The following ETS1 variants were observed in gnomAD, a reference collection of about 807,000 sequenced individuals.
ETS1 encodes the protein ETS proto-oncogene 1, transcription factor, also known as protein C-ets-1.
ETS1 carries 15 observed loss-of-function variants against 58.6 expected under a neutral mutation model. The ratio of observed to expected loss-of-function variants is 0.26; its 90% CI spans 0.17 to 0.39. The LOEUF (loss-of-function observed/expected upper bound fraction) is 0.39, where lower values mean the gene tolerates loss of function less well. Among genes scored for constraint, ETS1 ranks in the 10% least tolerant of loss-of-function variants. The pLI, the probability that ETS1 is intolerant of heterozygous loss-of-function variation, is 1.00. For synonymous variants in ETS1, 214 were observed against 218.2 expected, an observed-to-expected ratio of 0.98 and a Z score of 0.17; for missense variants, 417 against 610.5, an observed-to-expected ratio of 0.68 and a Z score of 3.34.
intron 3 of ETS1, among the ~76,000 whole-genome samples, chr11:128,556,021 G>A (rs1465457422): frequency 6.6e-6 from 1 of 152,158 alleles, no homozygotes; most frequent in African/African-American, 2.4e-5. Context: ...AGCCAAAACG[G>A]GTGTCAGGAA....
chr11:128,489,443 C>T lies in ETS1; in HGVS notation c.382G>A (p.Ala128Thr). The change falls in exon 5 of 10, where the codon GCT (alanine) becomes ACT (threonine). Residue 128 changes from alanine (A) to threonine (T), a missense_variant. Ala to Thr is a moderately conservative substitution (Grantham distance 58, BLOSUM62 0). Coordinates refer to ENST00000392668, the MANE Select transcript of ETS1 (RefSeq NM_001143820.2). ...ETHVRDWVMW[A>T]VNEFSLKGVD... ...CCTTTCAGGCTGAATTCATTCACAG[C>T]CCACATCACCCAGTCCCGAACATGG... 1 of 1,614,124 alleles carries T rather than the reference C, an allele frequency of 6.2e-7. No individual in the cohort carries two copies. The highest frequency in any genetic ancestry group is 8.5e-7 in the Non-Finnish European group (1 of 1,180,016).
At chr11:128,496,471 A>G (rs1000954409) in intron 3 of ETS1, among the ~76,000 whole-genome samples, 1 of 152,168 alleles carries the variant, frequency 6.6e-6, no homozygotes, top group Non-Finnish European at 1.5e-5. Context: ...AGGTAATATC[A>G]TTGCCAAACT....
intron 8 of ETS1, among the ~76,000 whole-genome samples, chr11:128,475,882 T>TTGTGTGTGTGTGTGTG (rs61450075): frequency 6.7e-6 from 1 of 149,792 alleles, no homozygotes; most frequent in African/African-American, 2.5e-5. Flanking sequence ...ACTAGTACCT[T>TTGTGTGTGTGTGTGTG]TGTGTGTGTG....
Sources: gnomAD v4.1 joint callset for allele counts (sites outside exome capture counted in the v4.1 genomes callset) on GRCh38, gnomAD v4.1.1 for gene constraint, MANE v1.5 for transcripts, NCBI Gene and HGNC (gene_info 2026-07-23, HGNC 2026-07-21) for gene names.